OTUD7A: variants seen among roughly 807,000 people sequenced by gnomAD.
OTUD7A encodes the protein OTU deubiquitinase 7A.
A neutral mutation model predicts 65.7 loss-of-function variants in OTUD7A; 12 were observed. That is an observed-to-expected ratio of 0.18 (90% confidence interval 0.12 to 0.30). OTUD7A has a LOEUF of 0.30. OTUD7A is among the 10% of genes least tolerant of loss of function. The probability of loss-of-function intolerance (pLI) is 1.00; values close to 1 mark genes in which losing one functional copy is unlikely to be tolerated. For synonymous variants in OTUD7A, 641 were observed against 586.3 expected (o/e 1.09, Z -1.35); for missense variants, 1,148 against 1,304.8 (o/e 0.88, Z 1.85).
intron 3 of OTUD7A, among the ~76,000 whole-genome samples, chr15:31,638,361 G>C (rs1891402793): frequency 6.7e-6 from 1 of 148,528 alleles, no homozygotes. Flanking sequence ...GTAGACTACA[G>C]AATAGTATAA....
At chr15:31,522,756 C>A (rs938818183) in intron 8 of OTUD7A, among the ~76,000 whole-genome samples, 7 of 152,198 alleles carry the variant, frequency 4.6e-5, no homozygotes, top group Non-Finnish European at 7.3e-5. Context: ...CACTGTGAGT[C>A]CTCCTGGGAG....
intron 3 of OTUD7A, among the ~76,000 whole-genome samples, chr15:31,636,610 G>A (rs1891349821): frequency 6.6e-6 from 1 of 152,172 alleles, no homozygotes; most frequent in South Asian, 2.1e-4. Context: ...TAAGCTTAGT[G>A]AGGAAGGCAT....
intron 1 of OTUD7A, among the ~76,000 whole-genome samples, chr15:31,723,248 G>T (rs1893791543): frequency 6.6e-6 from 1 of 152,182 alleles, no homozygotes; most frequent in African/African-American, 2.4e-5. Flanking sequence ...CAACTACTCA[G>T]CTGATGGCGC....
At chr15:31,777,877 C>T (rs915761800) in intron 1 of OTUD7A, among the ~76,000 whole-genome samples, 3 of 152,142 alleles carry the variant, frequency 2.0e-5, no homozygotes, top group Admixed American at 6.5e-5. Flanking sequence ...AGAACACAAG[C>T]GGCTGCATTT....
At chr15:31,811,050 G>A (rs1276716711) in intron 1 of OTUD7A, among the ~76,000 whole-genome samples, 1 of 152,224 alleles carries the variant, frequency 6.6e-6, no homozygotes, top group African/African-American at 2.4e-5. Flanking sequence ...CTCCTATGGA[G>A]CAGGAGGGGC....
rs370084407 is a variant in OTUD7A, at chr15:31,476,886, T to C, written c.*6408A>G. 6.6e-6 allele frequency: 1 copy of C among 152,248 alleles called. No individual in the cohort carries two copies. Among genetic ancestry groups the C allele is most frequent in the African/African-American group, 2.4e-5 (1 of 41,462 alleles). The allele number at this position is 152,248 out of a possible 1,614,324, so 9.4% of individuals were successfully genotyped here. A position where few individuals can be genotyped will look rare whatever the true frequency, so the allele number is the denominator to read the frequency against. On this transcript the variant is annotated 3_prime_UTR_variant, in exon 13 of 13. Coordinates refer to ENST00000307050, the MANE Select transcript of OTUD7A (RefSeq NM_001382637.1). ...AGAAGTAAACACCAAAGTTAGGTAG[T>C]TGTGAAAATCATCTGGCAGGGGCAG...
intron 1 of OTUD7A, among the ~76,000 whole-genome samples, chr15:31,676,592 G>C (rs1335557025): frequency 6.6e-6 from 1 of 152,198 alleles, no homozygotes; most frequent in African/African-American, 2.4e-5. Flanking sequence ...GACCATGAGG[G>C]ACGGGTCAAG....
intron 1 of OTUD7A, among the ~76,000 whole-genome samples, chr15:31,839,204 C>T (rs1218068709): frequency 6.6e-6 from 1 of 152,346 alleles, no homozygotes; most frequent in South Asian, 2.1e-4. Context: ...CCAGCAGTGG[C>T]CCCAGGCTCC....
chr15:31,851,306 A>C (rs1897418615), intron 1 of OTUD7A, among the ~76,000 whole-genome samples: 1 of 152,250 alleles, frequency 6.6e-6, no homozygotes, highest in African/African-American at 2.4e-5. Context: ...AGAATGGCTA[A>C]GAAATTAGAA....
At chr15:31,621,380 C>T (rs1890778034) in intron 3 of OTUD7A, among the ~76,000 whole-genome samples, 1 of 152,082 alleles carries the variant, frequency 6.6e-6, no homozygotes, top group Non-Finnish European at 1.5e-5. Context: ...TAAAGTCTCC[C>T]ATTATTATTG....
Position 31,484,268 on chromosome 15 carries a change from T to C in OTUD7A, c.1828A>G (p.Lys610Glu). The change falls in exon 13 of 13, where the codon AAG (lysine) becomes GAG (glutamate). Residue 610 changes from lysine (K) to glutamate (E), a missense_variant. Lys to Glu is a moderately conservative substitution (Grantham distance 56). Transcript: ENST00000307050. The surrounding 1 kb of genome is among the most constrained non-coding windows in gnomAD (Gnocchi z 4.5). ...DKAAGASPAE[K>E]GGGPRGDAWK... ...GCGTCGCCCCGCGGCCCACCGCCCT[T>C]CTCCGCCGGCGACGCGCCCGCTGCC... is the stretch of plus-strand genomic sequence containing the variant. The C allele has an allele frequency of 6.3e-7, 1 of 1,594,424 alleles. No individual in the cohort carries two copies. The highest frequency in any genetic ancestry group is 8.5e-7 in the Non-Finnish European group (1 of 1,174,032).
At chr15:31,758,296 A>C (rs1243131861) in intron 1 of OTUD7A, among the ~76,000 whole-genome samples, 1 of 152,288 alleles carries the variant, frequency 6.6e-6, no homozygotes, top group African/African-American at 2.4e-5. Flanking sequence ...AGGAAACAAT[A>C]GTGCCTTCCT....
At chr15:31,808,693 C>T (rs1219699327) in intron 1 of OTUD7A, among the ~76,000 whole-genome samples, 2 of 152,214 alleles carry the variant, frequency 1.3e-5, no homozygotes, top group Non-Finnish European at 2.9e-5. Flanking sequence ...AAGGCCTCAC[C>T]AGGCTCCATC....
intron 1 of OTUD7A, among the ~76,000 whole-genome samples, chr15:31,659,762 G>C (rs973273813): frequency 6.6e-6 from 1 of 152,246 alleles, no homozygotes; most frequent in African/African-American, 2.4e-5. Context: ...ACGGGAAGGG[G>C]CACACAAGTG....
intron 1 of OTUD7A, among the ~76,000 whole-genome samples, chr15:31,861,319 G>A (rs375316178): frequency 1.3e-5 from 2 of 152,098 alleles, no homozygotes; most frequent in Non-Finnish European, 2.9e-5. Context: ...ACTAGTCAAC[G>A]GGCATGGAAA....
intron 1 of OTUD7A, among the ~76,000 whole-genome samples, chr15:31,808,136 C>CACACACAAAA (rs772574742): frequency 0.014 from 1,725 of 119,370 alleles, 44 homozygotes; most frequent in African/African-American, 0.044. Flanking sequence ...CACACACACA[C>CACACACAAAA]AAACAAATCC....
intron 1 of OTUD7A, among the ~76,000 whole-genome samples, chr15:31,772,557 T>A (rs1895269995): frequency 6.6e-6 from 1 of 152,214 alleles, no homozygotes; most frequent in South Asian, 2.1e-4. Context: ...GGTAGCTTGG[T>A]AAAATCCCAA....
At chr15:31,609,380 C>A (rs928580913) in intron 3 of OTUD7A, among the ~76,000 whole-genome samples, 8 of 152,186 alleles carry the variant, frequency 5.3e-5, no homozygotes, top group African/African-American at 1.9e-4. Context: ...CGTTAGCAGG[C>A]ACACGGTGGA....
Position 31,685,516 on chromosome 15 carries a change from G to A in OTUD7A, c.-99-28439C>T, listed in dbSNP as rs144363223. ...AAAACAAAAAACAAAAAAATTAGCCGGGCGTGGTGGCGGGCGCCTGTAGTC... is the reference window on the plus strand; with the variant it reads ...AAAACAAAAAACAAAAAAATTAGCCAGGCGTGGTGGCGGGCGCCTGTAGTC... On this transcript the variant is annotated intron_variant, in intron 1 of 12. Transcript: ENST00000307050. Among the ~76,000 whole-genome samples the A allele has an allele frequency of 1.0e-3, 157 of 152,024 alleles. 1 individual carries two copies. Among genetic ancestry groups the A allele is most frequent in the African/African-American group, 3.5e-3 (147 of 41,492 alleles).
Sources: gnomAD v4.1 joint callset for allele counts (sites outside exome capture counted in the v4.1 genomes callset) on GRCh38, gnomAD v4.1.1 for gene constraint, Gnocchi (gnomAD v3.1) non-coding constraint, MANE v1.5 for transcripts, NCBI Gene and HGNC (gene_info 2026-07-23, HGNC 2026-07-21) for gene names.